The following EPS15 variants were observed in gnomAD, a reference collection of about 807,000 sequenced individuals.
EPS15 encodes epidermal growth factor receptor pathway substrate 15.
In EPS15, 72 loss-of-function variants were observed where a neutral mutation model predicts 113.8. That is an observed-to-expected ratio of 0.63 (90% CI 0.52 to 0.77). The LOEUF (loss-of-function observed/expected upper bound fraction) is 0.77. Ranked by LOEUF, EPS15 falls within the 30% of genes least tolerant of loss-of-function variation. The probability of loss-of-function intolerance (pLI) is 0.00; values close to 1 mark genes in which losing one functional copy is unlikely to be tolerated. For missense variants in EPS15, 1,048 were observed against 1,045.8 expected (o/e 1.00, Z -0.03); for synonymous variants, 344 against 363.4 (o/e 0.95, Z 0.61).
In EPS15 at chr1:51,471,316, C is replaced by T. The variant is rs187005815; in HGVS notation, c.213+374G>A. On this transcript the variant is annotated intron_variant, in intron 4 of 24. Transcript: ENST00000371733. ...AGTAAGATCTAGACCAGAATACTCA[C>T]ATCTCACATGTGATTAACCAAGAGT... Among the ~76,000 whole-genome samples the T allele has an allele frequency of 2.3e-3, 343 of 152,344 alleles. 1 individual carries two copies. The highest frequency in any genetic ancestry group is 3.1e-3 in the Admixed American group (48 of 15,294).
intron 21 of EPS15, among the ~76,000 whole-genome samples, chr1:51,389,483 A>G (rs1411032882): frequency 6.6e-6 from 1 of 152,248 alleles, no homozygotes; most frequent in Admixed American, 6.5e-5. Context: ...ATTAGGCAGG[A>G]GAAGGAAATA....
rs1308367794 is a variant in EPS15 at position 51,415,492 on chromosome 1, A to C, written c.1114-5796T>G. ...CTCTCTATGTCTATTTCTAAATATGAAAAAAGGTCTATAAAAATTCTGGGC... is the reference window on the plus strand; with the variant it reads ...CTCTCTATGTCTATTTCTAAATATGCAAAAAGGTCTATAAAAATTCTGGGC... On this transcript the variant is annotated intron_variant, in intron 13 of 24. Coordinates refer to ENST00000371733, the MANE Select transcript of EPS15 (RefSeq NM_001981.3). Among the ~76,000 whole-genome samples the C allele has an allele frequency of 2.6e-5, 4 of 152,238 alleles. No individual in the cohort carries two copies. The East Asian group carries it at 7.7e-4, about 29-fold the overall frequency.
At chr1:51,419,871 T>C (rs528832957) in intron 13 of EPS15, among the ~76,000 whole-genome samples, 1 of 152,252 alleles carries the variant, frequency 6.6e-6, no homozygotes, top group East Asian at 1.9e-4. Flanking sequence ...AAATGATCAC[T>C]AATATAAGAG....
At chr1:51,503,584 A>G (rs1570441848) in intron 1 of EPS15, among the ~76,000 whole-genome samples, 1 of 152,094 alleles carries the variant, frequency 6.6e-6, no homozygotes, top group South Asian at 2.1e-4. Flanking sequence ...AGAGGTTGCA[A>G]TGAGCCGAGT....
intron 2 of EPS15, among the ~76,000 whole-genome samples, chr1:51,474,341 A>G (rs2148514461): frequency 6.6e-6 from 1 of 152,354 alleles, no homozygotes; most frequent in East Asian, 1.9e-4. Flanking sequence ...CTGAATTATT[A>G]ACATTTCAAA....
chr1:51,449,625 G>GTTCT (rs112211473), intron 8 of EPS15, among the ~76,000 whole-genome samples: 4,613 of 151,842 alleles, frequency 0.03, 125 homozygotes, highest in African/African-American at 0.051. Flanking sequence ...ATTAGGCTAA[G>GTTCT]TTTCTTTTGC....
At position 51,427,953 on chromosome 1, in the gene EPS15, T is replaced by TG. The variant is rs1306591438; in HGVS notation, c.1041-6096dup. ...CTGAGACACATTATAATCAAACTGT[T>TG]GCAATAATCTTTAAAATAGCAAGCA... On this transcript the variant is annotated intron_variant, in intron 12 of 24. Coordinates refer to ENST00000371733, the MANE Select transcript of EPS15 (RefSeq NM_001981.3). Among the ~76,000 whole-genome samples the TG allele has an allele frequency of 8.5e-5, 13 of 152,282 alleles. No homozygotes were observed. The East Asian group carries it at 2.3e-3, about 27-fold the overall frequency.
chr1:51,441,960 A>C (rs1570313838), intron 11 of EPS15, among the ~76,000 whole-genome samples: 2 of 152,102 alleles, frequency 1.3e-5, no homozygotes, highest in East Asian at 3.8e-4. Flanking sequence ...TTCCTTCTGT[A>C]TTTCTTTATG....
In EPS15 at chr1:51,448,111, G is replaced by T; in HGVS notation, c.586C>A (p.Leu196Met). ...AVAMFLVYCA[L>M]EKEPVPMSLP... ...GACATTGGCACAGGTTCTTTCTCCAGTGCACAGTATACCAAAAACATGGCC... is the reference window on the plus strand; with the variant it reads ...GACATTGGCACAGGTTCTTTCTCCATTGCACAGTATACCAAAAACATGGCC... The change falls in exon 9 of 25, where the codon CTG (leucine) becomes ATG (methionine). Residue 196 changes from leucine (L) to methionine (M), a missense_variant. By Grantham distance (15) the Leu-to-Met change is conservative (BLOSUM62 2). Coordinates refer to ENST00000371733, the MANE Select transcript of EPS15 (RefSeq NM_001981.3). The T allele has an allele frequency of 6.2e-7, 1 of 1,613,228 alleles. No individual in the cohort carries two copies. The highest frequency in any genetic ancestry group is 8.5e-7 in the Non-Finnish European group (1 of 1,179,370).
At chr1:51,473,128 G>A (rs759592797) in intron 2 of EPS15, among the ~76,000 whole-genome samples, 180 bp from the exon 3 acceptor site, 2 of 152,166 alleles carry the variant, frequency 1.3e-5, no homozygotes, top group African/African-American at 4.8e-5. Context: ...TATCTAGACA[G>A]CACTGGCAAT....
intron 21 of EPS15, among the ~76,000 whole-genome samples, chr1:51,371,504 TAA>T (rs988580714): frequency 1.4e-5 from 2 of 141,648 alleles, no homozygotes; most frequent in Admixed American, 1.5e-4. Context: ...GAAAAAAGTT[TAA>T]AAGTTAAAAA....
intron 12 of EPS15, among the ~76,000 whole-genome samples, chr1:51,432,591 T>G (rs1651826231): frequency 6.6e-6 from 1 of 152,030 alleles, no homozygotes; most frequent in South Asian, 2.1e-4. Context: ...TTTTACATTT[T>G]TTTTCATTCT....
intron 1 of EPS15, among the ~76,000 whole-genome samples, chr1:51,482,889 G>A (rs1265079685): frequency 2.0e-5 from 3 of 152,088 alleles, no homozygotes; most frequent in Non-Finnish European, 4.4e-5. Context: ...GGGTGAGGGG[G>A]AAGGAAAGCA....
At position 51,390,124 on chromosome 1, in the gene EPS15, T is replaced by C. The variant is rs571493553; in HGVS notation, c.2119+4257A>G. Among the ~76,000 whole-genome samples the C allele has an allele frequency of 1.2e-4, 18 of 152,094 alleles. No homozygotes were observed. In the South Asian group the frequency reaches 1.2e-3, roughly 11 times the overall value. On this transcript the variant is annotated intron_variant, in intron 21 of 24. Transcript: ENST00000371733. ...ACTGGTACCAAAACAGAGATATAGA[T>C]CAATGGAACAGAACAGAGCCCTTAG...
At chr1:51,517,058 G>A (rs1025580748) in intron 1 of EPS15, among the ~76,000 whole-genome samples, 6 of 152,092 alleles carry the variant, frequency 3.9e-5, no homozygotes, top group Admixed American at 3.3e-4. Flanking sequence ...GGCTCAGGCA[G>A]TTATAAAAAA....
At chr1:51,494,712 T>C (rs1644296567) in intron 1 of EPS15, among the ~76,000 whole-genome samples, 1 of 152,384 alleles carries the variant, frequency 6.6e-6, no homozygotes, top group Non-Finnish European at 1.5e-5. Flanking sequence ...GCCTCTCTCC[T>C]ACTCTTGGTA....
chr1:51,370,833 G>C (rs1646630852), intron 21 of EPS15, among the ~76,000 whole-genome samples: 1 of 151,950 alleles, frequency 6.6e-6, no homozygotes, highest in African/African-American at 2.4e-5. Flanking sequence ...TGGCCAGGCT[G>C]GTCTCGAACT....
rs1425783056 is a variant in EPS15, at chr1:51,431,009, CACACACACACACACACACAA to C, written c.1041-9171_1041-9152del. Among the ~76,000 whole-genome samples the C allele has an allele frequency of 2.0e-3, 306 of 149,928 alleles. 1 individual carries two copies. Among genetic ancestry groups the C allele is most frequent in the African/African-American group, 4.7e-3 (191 of 40,272 alleles). The stretch of plus-strand genomic sequence containing the variant: ...ACACACACACACACACACACACACA[CACACACACACACACACACAA>C]AAATAAAACTTGCCTTAATTATATA... On this transcript the variant is annotated intron_variant, in intron 12 of 24. Transcript: ENST00000371733.
At chr1:51,384,298 C>CTTTT (rs67265512) in intron 21 of EPS15, among the ~76,000 whole-genome samples, 136 of 99,454 alleles carry the variant, frequency 1.4e-3, no homozygotes, top group South Asian at 1.8e-3. Flanking sequence ...TTCTTTCTTT[C>CTTTT]TTTTTTTTTT....
Sources: allele counts gnomAD v4.1 joint callset (sites outside exome capture counted in the v4.1 genomes callset), GRCh38; gene constraint gnomAD v4.1.1; transcripts MANE v1.5; gene names NCBI Gene and HGNC (gene_info 2026-07-23, HGNC 2026-07-21).